STAB2: variants seen among roughly 807,000 people sequenced by gnomAD.
STAB2 encodes the protein stabilin 2.
Under a neutral mutation model 338.1 loss-of-function variants are expected in STAB2, and 288 were observed. The ratio of observed to expected loss-of-function variants is 0.85; its 90% CI spans 0.77 to 0.94. STAB2 has a LOEUF of 0.94. STAB2 is among the 40% of genes least tolerant of loss of function. The probability of loss-of-function intolerance (pLI) is 0.00; values close to 1 mark genes in which losing one functional copy is unlikely to be tolerated. For missense variants in STAB2, 3,141 were observed against 3,210.1 expected (o/e 0.98, Z 0.52); for synonymous variants, 1,202 against 1,193.3 (o/e 1.01, Z -0.15).
chr12:103,748,605 TACACACACACACACACACACAC>T (rs71097994), intron 58 of STAB2, among the ~76,000 whole-genome samples: 158 of 141,772 alleles, frequency 1.1e-3, no homozygotes, highest in East Asian at 3.7e-3. Flanking sequence ...CACACACACA[TACACACACACACACACACACAC>T]ACACACACAC....
At position 103,713,700 on chromosome 12, in the gene STAB2, G is replaced by T; in HGVS notation, c.4469G>T (p.Arg1490Ile). Reference protein sequence around the residue: ...GGCSAKADCKRTTPGRRVCTC... With the variant: ...GGCSAKADCKITTPGRRVCTC... ...TGCTCTGCCAAGGCTGACTGTAAGAGAACCACCCCAGGAAGGCGAGTGTGC... is the reference window on the plus strand; with the variant it reads ...TGCTCTGCCAAGGCTGACTGTAAGATAACCACCCCAGGAAGGCGAGTGTGC... Residue 1490 changes from arginine (R) to isoleucine (I), a missense_variant, in exon 42 of 69, where the codon AGA becomes ATA. By Grantham distance (97) the Arg-to-Ile change is moderately conservative (BLOSUM62 -3). Coordinates refer to ENST00000388887, the MANE Select transcript of STAB2 (RefSeq NM_017564.10). 6.2e-7 allele frequency: 1 copy of T among 1,614,112 alleles called. No homozygotes were observed. The highest frequency in any genetic ancestry group is 8.5e-7 in the Non-Finnish European group (1 of 1,179,984).
In STAB2 at chr12:103,733,116, G is replaced by A; in HGVS notation, c.5394G>A (p.Leu1798=). ...HALPAEQQDF[L]FNQDNKDKLK... ...TACCTGCTGAACAACAGGACTTCCTGTTCAACCAAGACAACAAGGACAAGC... is the reference window on the plus strand; with the variant it reads ...TACCTGCTGAACAACAGGACTTCCTATTCAACCAAGACAACAAGGACAAGC... Residue 1798 remains leucine (L), a synonymous_variant, in exon 51 of 69, where the codon CTG becomes CTA. Coordinates refer to ENST00000388887, the MANE Select transcript of STAB2 (RefSeq NM_017564.10). The A allele has an allele frequency of 6.2e-7, 1 of 1,614,146 alleles. No individual in the cohort carries two copies. The highest frequency in any genetic ancestry group is 8.5e-7 in the Non-Finnish European group (1 of 1,180,022).
Position 103,660,695 on chromosome 12 carries a change from A to G in STAB2, c.1801A>G (p.Thr601Ala). 6.2e-7 allele frequency: 1 copy of G among 1,613,800 alleles called. No individual in the cohort carries two copies. Residue 601 changes from threonine (T) to alanine (A), a missense_variant, in exon 17 of 69, where the codon ACT (threonine) becomes GCT (alanine). By Grantham distance (58) the Thr-to-Ala change is moderately conservative (BLOSUM62 0). Coordinates refer to ENST00000388887, the MANE Select transcript of STAB2 (RefSeq NM_017564.10). Reference protein sequence around the residue: ...IVPFTQLEVATLISTPHIRSM... With the variant: ...IVPFTQLEVAALISTPHIRSM... The stretch of plus-strand genomic sequence containing the variant: ...CTTCTTATTGCAGCTTGAAGTGGCC[A>G]CTCTCATCTCCACCCCTCACATCAG...
intron 5 of STAB2, among the ~76,000 whole-genome samples, chr12:103,625,360 C>T (rs1317840466): frequency 6.6e-6 from 1 of 151,844 alleles, no homozygotes; most frequent in Non-Finnish European, 1.5e-5. Flanking sequence ...GGTCTCAACA[C>T]CTAAATTTTT....
chr12:103,677,386 C>G, intron 24 of STAB2, 67 bp from the exon 25 acceptor site: 1 of 1,480,760 alleles, frequency 6.8e-7, no homozygotes, highest in Non-Finnish European at 9.1e-7. Flanking sequence ...GAAATTCTCT[C>G]TTATTTTTGG....
At chr12:103,684,956 G>C in intron 26 of STAB2, 33 bp from the exon 27 acceptor site, 1 of 1,604,348 alleles carries the variant, frequency 6.2e-7, no homozygotes, top group South Asian at 1.1e-5. Flanking sequence ...GTTTTTGTTG[G>C]GGTAACCATT....
intron 14 of STAB2, 45 bp from the exon 15 acceptor site, chr12:103,655,411 G>C: frequency 2.5e-6 from 4 of 1,611,326 alleles, no homozygotes; most frequent in Non-Finnish European, 2.5e-6. Context: ...TTAAATATTT[G>C]TCCAAGGTAG....
At chr12:103,702,738 A>G (rs1262209364) in intron 34 of STAB2, among the ~76,000 whole-genome samples, 1 of 152,238 alleles carries the variant, frequency 6.6e-6, no homozygotes, top group African/African-American at 2.4e-5. Context: ...CCACCTCCAG[A>G]ACCACTGGTC....
At chr12:103,633,721 G>A (rs924683287) in intron 6 of STAB2, among the ~76,000 whole-genome samples, 7 of 152,176 alleles carry the variant, frequency 4.6e-5, no homozygotes, top group African/African-American at 1.7e-4. Flanking sequence ...CATGAAAAAG[G>A]TGCTAAGTCC....
intron 8 of STAB2, among the ~76,000 whole-genome samples, chr12:103,639,869 G>T (rs1166724888): frequency 6.6e-6 from 1 of 152,084 alleles, no homozygotes; most frequent in Non-Finnish European, 1.5e-5. Flanking sequence ...TATGGAGCTA[G>T]GGAGGTCAAG....
At chr12:103,756,053 G>A (rs1325874451) in intron 63 of STAB2, among the ~76,000 whole-genome samples, 1 of 152,074 alleles carries the variant, frequency 6.6e-6, no homozygotes, top group Non-Finnish European at 1.5e-5. Flanking sequence ...TTGTGAGCTG[G>A]TATTATCATC....
At chr12:103,751,472 T>C (rs996705663) in intron 60 of STAB2, among the ~76,000 whole-genome samples, 25 of 152,256 alleles carry the variant, frequency 1.6e-4, no homozygotes, top group Admixed American at 6.5e-5. Flanking sequence ...TGAGACCAAA[T>C]GCAGTGGTGG....
At chr12:103,591,702 G>A (rs533358140) in intron 2 of STAB2, among the ~76,000 whole-genome samples, 1 of 152,274 alleles carries the variant, frequency 6.6e-6, no homozygotes, top group East Asian at 1.9e-4. Context: ...AGTCGAAGAA[G>A]GGGGAAAGAT....
chr12:103,608,508 A>C (rs796151529), intron 3 of STAB2, among the ~76,000 whole-genome samples: 1 of 152,150 alleles, frequency 6.6e-6, no homozygotes, highest in East Asian at 1.9e-4. Flanking sequence ...GTGTCTGTTC[A>C]TATCCTTTGT....
Position 103,725,010 on chromosome 12 carries a change from C to T in STAB2, c.4719C>T (p.Asn1573=), listed in dbSNP as rs1455154613. 6.2e-7 allele frequency: 1 copy of T among 1,613,900 alleles called. No homozygotes were observed. The highest frequency in any genetic ancestry group is 1.3e-5 in the African/African-American group (1 of 74,916). ...GCTGTAGTGAATTTGCCATCTGCAA[C>T]CACACTGGGCAAGTAGAAAGGACTT... is the stretch of plus-strand genomic sequence containing the variant. The part of the protein sequence containing the change: ...NGGCSEFAIC[N]HTGQVERTCT... Residue 1573 remains asparagine (N), a synonymous_variant, in exon 45 of 69, where the codon AAC becomes AAT. Transcript: ENST00000388887.
At chr12:103,710,510 G>T (rs1483528083) in intron 39 of STAB2, among the ~76,000 whole-genome samples, 3 of 152,096 alleles carry the variant, frequency 2.0e-5, no homozygotes. Context: ...GACCAGCCAG[G>T]GGCACCCAAC....
Position 103,766,481 on chromosome 12 carries a change from G to C in STAB2, c.*145G>C. 1 of 917,342 alleles carries C rather than the reference G, an allele frequency of 1.1e-6. No homozygotes were observed. The highest frequency in any genetic ancestry group is 3.5e-4 in the Middle Eastern group (1 of 2,830). The allele number at this position is 917,342 out of a possible 1,614,324, so 56.8% of individuals were successfully genotyped here. ...CATCTCTCTGGCTGATCTGGGGGTT[G>C]TTTCTGTGGGTGAGAGATGTGTTGC... is the stretch of plus-strand genomic sequence containing the variant. On this transcript the variant is annotated 3_prime_UTR_variant, in exon 69 of 69. Transcript: ENST00000388887.
At chr12:103,659,513 G>A (rs1426569727) in intron 15 of STAB2, among the ~76,000 whole-genome samples, 1 of 152,222 alleles carries the variant, frequency 6.6e-6, no homozygotes, top group Non-Finnish European at 1.5e-5. Context: ...TACTTAAATA[G>A]CAGAACTTGA....
rs1301027201 is a variant in STAB2 at position 103,604,880 on chromosome 12, G to A, written c.331+10370G>A. On this transcript the variant is annotated intron_variant, in intron 3 of 68. Coordinates refer to ENST00000388887, the MANE Select transcript of STAB2 (RefSeq NM_017564.10). ...ATACCTCCTATCTTCTGCTTGCTTG[G>A]GTTTCATGTGCTATTATTTTTCTAA... Among the ~76,000 whole-genome samples, 3 of 150,596 alleles carry A rather than the reference G, an allele frequency of 2.0e-5. No homozygotes were observed. In the East Asian group the frequency reaches 5.9e-4, roughly 29 times the overall value.
Sources: gnomAD v4.1 joint callset for allele counts (sites outside exome capture counted in the v4.1 genomes callset) on GRCh38, gnomAD v4.1.1 for gene constraint, MANE v1.5 for transcripts, NCBI Gene and HGNC (gene_info 2026-07-23, HGNC 2026-07-21) for gene names.